MS4A4E: variants seen among roughly 807,000 people sequenced by gnomAD.
MS4A4E encodes the protein membrane spanning 4-domains A4E, also known as putative membrane-spanning 4-domains subfamily A member 4E.
MS4A4E carries 23 observed loss-of-function variants against 13.3 expected under a neutral mutation model. That is an observed-to-expected ratio of 1.73 (90% confidence interval 1.25 to 2.45). The LOEUF is 2.45. Among genes scored for constraint, MS4A4E ranks in the 30% most tolerant of loss-of-function variants. MS4A4E has a pLI of 0.00. For missense variants in MS4A4E, 144 were observed against 131.2 expected, an observed-to-expected ratio of 1.10 and a Z score of -0.48; for synonymous variants, 36 against 45.6, an observed-to-expected ratio of 0.79 and a Z score of 0.85.
intron 6 of MS4A4E, among the ~76,000 whole-genome samples, chr11:60,207,046 CT>C (rs2134915939): frequency 6.6e-6 from 1 of 152,214 alleles, no homozygotes; most frequent in South Asian, 2.1e-4. Context: ...AAATATGGGG[CT>C]CTTCTTCCAA....
chr11:60,208,936 C>G (rs938353667), intron 5 of MS4A4E: 40 of 225,568 alleles, frequency 1.8e-4, no homozygotes, highest in Middle Eastern at 1.6e-3. Flanking sequence ...CTATTGTGGG[C>G]ATGGAAGATG....
intron 3 of MS4A4E, among the ~76,000 whole-genome samples, chr11:60,220,241 G>A (rs531613066): frequency 7.2e-5 from 11 of 152,324 alleles, no homozygotes; most frequent in African/African-American, 1.9e-4. Flanking sequence ...GGATCTTGGA[G>A]AATGACAGTG....
In MS4A4E at chr11:60,200,832, G is replaced by A. The variant is rs189347834; in HGVS notation, c.*711C>T. 0.013 allele frequency among the ~76,000 whole-genome samples: 2,014 copies of A among 151,608 alleles called. 51 individuals are homozygous for A. Among genetic ancestry groups the A allele is most frequent in the African/African-American group, 0.046 (1,874 of 40,890 alleles). ...ACACTTCCCAGATGGGGTGGTGGCC[G>A]GGCAGAGGGGCTCCTCACTTCCCAG... On this transcript the variant is annotated 3_prime_UTR_variant, in exon 9 of 9. Transcript: ENST00000651255.
At chr11:60,213,671 C>T (rs965881209) in intron 4 of MS4A4E, among the ~76,000 whole-genome samples, 4 of 152,074 alleles carry the variant, frequency 2.6e-5, no homozygotes, top group Non-Finnish European at 4.4e-5. Context: ...TTTGGAAAAC[C>T]GATATTGATC....
rs140742179 is a variant in MS4A4E, at chr11:60,202,477, A to G, written c.660-598T>C. Among the ~76,000 whole-genome samples the G allele has an allele frequency of 2.7e-3, 405 of 152,344 alleles. 1 individual carries two copies. Among genetic ancestry groups the G allele is most frequent in the African/African-American group, 9.4e-3 (392 of 41,574 alleles). ...TGAATGCATGCACCTGTGTTACACT[A>G]CATTGGCTTAGATTATAGTCTTTTT... On this transcript the variant is annotated intron_variant, in intron 8 of 8. Coordinates refer to ENST00000651255, the MANE Select transcript of MS4A4E (RefSeq NM_001393391.1).
intron 6 of MS4A4E, chr11:60,206,870 T>A (rs1454308868): frequency 5.9e-6 from 1 of 169,954 alleles, no homozygotes; most frequent in East Asian, 1.6e-4. Context: ...ATCAGTCATG[T>A]GGGGATTCTC....
chr11:60,201,434 T>C lies in MS4A4E; in HGVS notation c.*109A>G, dbSNP rs111255924. The C allele has an allele frequency of 7.2e-3, 1,326 of 184,576 alleles. 11 individuals carry two copies. Among genetic ancestry groups the C allele is most frequent in the African/African-American group, 0.034 (1,229 of 36,348 alleles). 11.4% of individuals were successfully genotyped at this position (184,576 alleles called of 1,614,324 possible). A position where few individuals can be genotyped will look rare whatever the true frequency, so the allele number is the denominator to read the frequency against. ...GCGGAGGGTCTCCTCCCTTCTCAGA[T>C]GGGGCGGCTGGGCAGAGACGCTCCT... On this transcript the variant is annotated 3_prime_UTR_variant, in exon 9 of 9. Coordinates refer to ENST00000651255, the MANE Select transcript of MS4A4E (RefSeq NM_001393391.1).
chr11:60,200,945 C>T lies in MS4A4E; in HGVS notation c.*598G>A, dbSNP rs1361522456. Among the ~76,000 whole-genome samples the T allele has an allele frequency of 3.2e-4, 48 of 147,916 alleles. 1 individual carries two copies. Among genetic ancestry groups the T allele is most frequent in the Non-Finnish European group, 3.1e-4 (21 of 66,756 alleles). Reference sequence around the variant, plus strand: ...CTGACCCCTCCACCTCCCTCCCGGACGGGGCGGCTGGCCGGGTGGGGGGCT... The same window carrying T: ...CTGACCCCTCCACCTCCCTCCCGGATGGGGCGGCTGGCCGGGTGGGGGGCT... On this transcript the variant is annotated 3_prime_UTR_variant, in exon 9 of 9. Transcript: ENST00000651255.
At chr11:60,206,120 G>A (rs2084037945) in intron 6 of MS4A4E, among the ~76,000 whole-genome samples, 4 of 152,132 alleles carry the variant, frequency 2.6e-5, no homozygotes, top group South Asian at 4.1e-4. Context: ...TGGGGGAGAA[G>A]GGCATGAATC....
chr11:60,241,652 T>C (rs1334755147), intron 1 of MS4A4E, among the ~76,000 whole-genome samples: 1 of 152,208 alleles, frequency 6.6e-6, no homozygotes, highest in African/African-American at 2.4e-5. Context: ...ATCCATGTGT[T>C]AATTATCTAG....
chr11:60,231,111 A>T (rs2084405555), intron 1 of MS4A4E, among the ~76,000 whole-genome samples: 1 of 152,198 alleles, frequency 6.6e-6, no homozygotes, highest in Admixed American at 6.5e-5. Context: ...CTATCTAGCA[A>T]TAAAATTGAT....
Position 60,240,164 on chromosome 11 carries a change from T to C in MS4A4E, c.-17+2794A>G, listed in dbSNP as rs147883529. Among the ~76,000 whole-genome samples, 272 of 152,342 alleles carry C rather than the reference T, an allele frequency of 1.8e-3. 1 individual carries two copies. The highest frequency in any genetic ancestry group is 6.1e-3 in the African/African-American group (253 of 41,574). ...AGGCAAGAGCTAAAGGTAACAGGAA[T>C]GCTAAGAGGGCTATGCGACTGCAAA... On this transcript the variant is annotated intron_variant, in intron 1 of 8. Coordinates refer to ENST00000651255, the MANE Select transcript of MS4A4E (RefSeq NM_001393391.1).
chr11:60,210,950 A>T (rs2134924313), intron 5 of MS4A4E, among the ~76,000 whole-genome samples: 1 of 152,352 alleles, frequency 6.6e-6, no homozygotes, highest in South Asian at 2.1e-4. Context: ...TAAAATTTTT[A>T]AAAATAATTT....
chr11:60,203,089 G>T (rs1185139267), intron 8 of MS4A4E, among the ~76,000 whole-genome samples: 1 of 152,126 alleles, frequency 6.6e-6, no homozygotes, highest in Non-Finnish European at 1.5e-5. Flanking sequence ...TCAGAATTCT[G>T]TGGACACACT....
intron 6 of MS4A4E, among the ~76,000 whole-genome samples, 103 bp from the exon 7 acceptor site, chr11:60,205,923 T>G (rs1381258073): frequency 1.3e-5 from 2 of 152,198 alleles, no homozygotes; most frequent in African/African-American, 4.8e-5. Context: ...GATATAATTC[T>G]GCCCAGCAGA....
Position 60,201,113 on chromosome 11 carries a change from G to T in MS4A4E, c.*430C>A, listed in dbSNP as rs1345810807. 1 of 102,428 alleles carries T rather than the reference G, an allele frequency of 9.8e-6. No homozygotes were observed. Among genetic ancestry groups the T allele is most frequent in the African/African-American group, 3.5e-5 (1 of 28,314 alleles). The allele number at this position is 102,428 out of a possible 1,614,324, so 6.3% of individuals were successfully genotyped here. ...CGGACGGGGCGGCTGGCCGGGCGGG[G>T]TCTGACCCCCCCACCTCCCTCCCGG... On this transcript the variant is annotated 3_prime_UTR_variant, in exon 9 of 9. Transcript: ENST00000651255.
At chr11:60,228,831 A>C (rs1448197551) in intron 2 of MS4A4E, among the ~76,000 whole-genome samples, 1 of 152,238 alleles carries the variant, frequency 6.6e-6, no homozygotes, top group Non-Finnish European at 1.5e-5. Flanking sequence ...GAAGGAAGGC[A>C]GTCTTTAAAA....
chr11:60,203,512 G>A (rs2134908781), intron 8 of MS4A4E, among the ~76,000 whole-genome samples: 1 of 152,254 alleles, frequency 6.6e-6, no homozygotes, highest in Non-Finnish European at 1.5e-5. Context: ...ACTTTGGGAG[G>A]CCAAAGTGGG....
chr11:60,207,014 G>C (rs2084056467), intron 6 of MS4A4E, among the ~76,000 whole-genome samples: 1 of 152,088 alleles, frequency 6.6e-6, no homozygotes, highest in Non-Finnish European at 1.5e-5. Flanking sequence ...ACAATATGAT[G>C]GGTAAACCAA....
Sources: allele counts gnomAD v4.1 joint callset (sites outside exome capture counted in the v4.1 genomes callset), GRCh38; gene constraint gnomAD v4.1.1; transcripts MANE v1.5; gene names NCBI Gene and HGNC (gene_info 2026-07-23, HGNC 2026-07-21).